CYP24A1: variants seen among roughly 807,000 people sequenced by gnomAD.
The protein encoded by CYP24A1 is 1,25-dihydroxyvitamin D(3) 24-hydroxylase, mitochondrial.
A neutral mutation model predicts 62.4 loss-of-function variants in CYP24A1; 68 were observed. The ratio of observed to expected loss-of-function variants is 1.09; its 90% confidence interval spans 0.90 to 1.33. The LOEUF is 1.33. Among genes scored for constraint, CYP24A1 ranks in the 40% most tolerant of loss-of-function variants. The pLI, the probability that CYP24A1 is intolerant of heterozygous loss-of-function variation, is 0.00. For missense variants in CYP24A1, 787 were observed against 653.0 expected (o/e 1.21, Z -2.24); for synonymous variants, 267 against 253.0 (o/e 1.06, Z -0.52).
intron 5 of CYP24A1, among the ~76,000 whole-genome samples, chr20:54,165,162 G>A (rs1415749285): frequency 1.3e-5 from 2 of 152,266 alleles, no homozygotes; most frequent in African/African-American, 4.8e-5. Context: ...GTTAGGAACG[G>A]GGCCGCGCAG....
At chr20:54,171,455 C>T in intron 3 of CYP24A1, 122 bp downstream of exon 3, 3 of 1,586,384 alleles carry the variant, frequency 1.9e-6, no homozygotes, top group Non-Finnish European at 1.7e-6. Context: ...AGAGAAGACC[C>T]CCACTTTGAA....
downstream of CYP24A1, among the ~76,000 whole-genome samples, chr20:54,151,723 C>A (rs995791796): frequency 2.6e-5 from 4 of 151,866 alleles, no homozygotes; most frequent in African/African-American, 9.7e-5. Context: ...CCACCACGCC[C>A]AGCTAATTTT....
At chr20:54,165,371 C>T (rs754514367) in intron 5 of CYP24A1, among the ~76,000 whole-genome samples, 6 of 152,218 alleles carry the variant, frequency 3.9e-5, no homozygotes, top group East Asian at 1.9e-4. Flanking sequence ...ATGGGACTTT[C>T]GTGTTGCACG....
chr20:54,146,857 T>C, the CYP24A1 span, among the ~76,000 whole-genome samples: 30 of 152,206 alleles, frequency 2.0e-4, no homozygotes, highest in Non-Finnish European at 4.0e-4. Context: ...AAATATTTTA[T>C]TGCTGATAAA....
rs1428481533 is a variant in CYP24A1, at chr20:54,154,307, T to C, written c.*465A>G. On this transcript the variant is annotated 3_prime_UTR_variant, in exon 12 of 12. Coordinates refer to ENST00000216862, the MANE Select transcript of CYP24A1 (RefSeq NM_000782.5). ...TTTCCCAATAATGTTTTTATTTCAA[T>C]GCAGGAAGAACGCAATTTCATGGGA... 6.6e-6 allele frequency: 1 copy of C among 152,230 alleles called. No individual in the cohort carries two copies. The highest frequency in any genetic ancestry group is 1.9e-4 in the East Asian group (1 of 5,202). 9.4% of individuals were successfully genotyped at this position (152,230 alleles called of 1,614,324 possible).
chr20:54,172,690 A>C (rs2092697957), intron 2 of CYP24A1: 3 of 1,078,972 alleles, frequency 2.8e-6, no homozygotes, highest in South Asian at 1.7e-5. Flanking sequence ...TGCCAGAGAG[A>C]ACGCAGGTGC....
chr20:54,163,006 T>G, intron 6 of CYP24A1, 144 bp from the exon 7 acceptor site: 2 of 700,668 alleles, frequency 2.9e-6, no homozygotes, highest in Non-Finnish European at 5.2e-6. Flanking sequence ...ACACACTAAT[T>G]ATATTATTGC....
chr20:54,143,736 G>A, the CYP24A1 span, among the ~76,000 whole-genome samples: 5 of 150,890 alleles, frequency 3.3e-5, no homozygotes, highest in South Asian at 1.0e-3. Flanking sequence ...AAAAAAAATA[G>A]AAATCAAAGC....
Position 54,173,872 on chromosome 20 carries a change from G to A in CYP24A1, c.-293C>T. Reference sequence around the variant, plus strand: ...ACCTCTTGAAAAGGGAAAGCTGGGAGTCCTCCTGTTGGTCCGCAAGGCTGA... The same window carrying A: ...ACCTCTTGAAAAGGGAAAGCTGGGAATCCTCCTGTTGGTCCGCAAGGCTGA... On this transcript the variant is annotated 5_prime_UTR_variant, in exon 1 of 12. Transcript: ENST00000216862. This position sits in a 1 kb window ranked among gnomAD's most constrained non-coding sequence, Gnocchi z 7.2. The A allele has an allele frequency of 1.9e-6, 1 of 515,710 alleles. No homozygotes were observed. 31.9% of individuals were successfully genotyped at this position (515,710 alleles called of 1,614,324 possible). A position where few individuals can be genotyped will look rare whatever the true frequency, so the allele number is the denominator to read the frequency against.
At chr20:54,157,350 G>A in intron 10 of CYP24A1, 38 bp downstream of exon 10, 1 of 1,486,438 alleles carries the variant, frequency 6.7e-7, no homozygotes, top group Non-Finnish European at 9.4e-7. Context: ...TTGTGAAACA[G>A]CACAGAACAT....
At chr20:54,165,856 C>G in intron 4 of CYP24A1, 23 bp from the exon 5 acceptor site, 1 of 1,065,400 alleles carries the variant, frequency 9.4e-7, no homozygotes, top group Non-Finnish European at 1.5e-6. Context: ...ATAATCATCA[C>G]TTTACACAAA....
At chr20:54,165,161 G>A (rs888478614) in intron 5 of CYP24A1, among the ~76,000 whole-genome samples, 1 of 152,388 alleles carries the variant, frequency 6.6e-6, no homozygotes, top group African/African-American at 2.4e-5. Context: ...TGTTAGGAAC[G>A]GGGCCGCGCA....
At chr20:54,165,167 G>A (rs1039660015) in intron 5 of CYP24A1, among the ~76,000 whole-genome samples, 4 of 152,264 alleles carry the variant, frequency 2.6e-5, no homozygotes, top group South Asian at 2.1e-4. Context: ...GAACGGGGCC[G>A]CGCAGCAGGA....
intron 5 of CYP24A1, 29 bp downstream of exon 5, chr20:54,165,713 A>G (rs772717100): frequency 9.1e-7 from 1 of 1,097,334 alleles, no homozygotes; most frequent in Non-Finnish European, 1.4e-6. Context: ...ATCAATCAAG[A>G]AAACTGCTTT....
At chr20:54,149,541 G>GA (rs374525168), downstream of CYP24A1, among the ~76,000 whole-genome samples, 45 of 150,418 alleles carry the variant, frequency 3.0e-4, 1 homozygote, top group East Asian at 1.2e-3. Flanking sequence ...AGAGAGAAAG[G>GA]AAAAAAAAAT....
chr20:54,165,172 G>A (rs1333155091), intron 5 of CYP24A1, among the ~76,000 whole-genome samples: 1 of 152,284 alleles, frequency 6.6e-6, no homozygotes, highest in Non-Finnish European at 1.5e-5. Flanking sequence ...GGGCCGCGCA[G>A]CAGGAGGTGA....
chr20:54,144,083 C>T, the CYP24A1 span, among the ~76,000 whole-genome samples: 4 of 152,288 alleles, frequency 2.6e-5, no homozygotes, highest in South Asian at 2.1e-4. Context: ...CTGGCTCCAT[C>T]GGTGGGGACC....
Position 54,157,271 on chromosome 20 carries a change from T to C in CYP24A1, c.1453A>G (p.Ile485Val). 1.2e-6 allele frequency: 2 copies of C among 1,611,022 alleles called. No individual in the cohort carries two copies. Among genetic ancestry groups the C allele is most frequent in the East Asian group, 2.2e-5 (1 of 44,874 alleles). ...ALCWIVRKYDIQATDNEPVEM... is the reference protein window; with the variant it reads ...ALCWIVRKYDVQATDNEPVEM... ...ACAGGCTCATTGTCTGTGGCCTGGA[T>C]GTCGTATTTGCGGACAATCTGTAAT... The change falls in exon 11 of 12, where the codon ATC becomes GTC. Residue 485 changes from isoleucine to valine, a missense_variant. Physicochemically the swap from Ile to Val is conservative, Grantham distance 29. Coordinates refer to ENST00000216862, the MANE Select transcript of CYP24A1 (RefSeq NM_000782.5).
chr20:54,166,802 C>A (rs2146492675), intron 4 of CYP24A1, among the ~76,000 whole-genome samples: 1 of 152,116 alleles, frequency 6.6e-6, no homozygotes, highest in East Asian at 1.9e-4. Flanking sequence ...GAGGCTCGGG[C>A]AGGCAGACTG....
Sources: gnomAD v4.1 joint callset for allele counts (sites outside exome capture counted in the v4.1 genomes callset) on GRCh38, gnomAD v4.1.1 for gene constraint, Gnocchi (gnomAD v3.1) non-coding constraint, MANE v1.5 for transcripts, NCBI Gene and HGNC (gene_info 2026-07-23, HGNC 2026-07-21) for gene names.